The following IPO9 variants were observed in gnomAD, a reference collection of about 807,000 sequenced individuals.
IPO9 encodes importin-9.
IPO9 carries 28 observed loss-of-function variants against 128.6 expected under a neutral mutation model. The ratio of observed to expected loss-of-function variants is 0.22; its 90% CI spans 0.16 to 0.30. The LOEUF is 0.30. IPO9 is among the 10% of genes least tolerant of loss of function. The pLI, the probability that IPO9 is intolerant of heterozygous loss-of-function variation, is 1.00. For synonymous variants in IPO9, 455 were observed against 475.8 expected (o/e 0.96, Z 0.57); for missense variants, 935 against 1,293.9 (o/e 0.72, Z 4.26).
At chr1:201,868,074 T>C (rs1399493100) in intron 15 of IPO9, among the ~76,000 whole-genome samples, 7 of 152,314 alleles carry the variant, frequency 4.6e-5, no homozygotes, top group African/African-American at 7.2e-5. Context: ...TTTTCCATAC[T>C]AAATAGAGGA....
At chr1:201,843,216 GC>G (rs1163471459) in intron 1 of IPO9, among the ~76,000 whole-genome samples, 1 of 152,164 alleles carries the variant, frequency 6.6e-6, no homozygotes, top group Admixed American at 6.5e-5. Flanking sequence ...TTAACTGTTA[GC>G]CCCAATTTTG....
At chr1:201,845,030 G>A (rs1351348635) in intron 1 of IPO9, among the ~76,000 whole-genome samples, 6 of 151,202 alleles carry the variant, frequency 4.0e-5, no homozygotes, top group African/African-American at 1.2e-4. Flanking sequence ...TTGGGAGGGG[G>A]GGGCGTACAG....
At chr1:201,857,795 CAAAA>C (rs34460064) in intron 11 of IPO9, among the ~76,000 whole-genome samples, 1 of 124,388 alleles carries the variant, frequency 8.0e-6, no homozygotes, top group Non-Finnish European at 1.7e-5. Flanking sequence ...AACTTGGTCT[CAAAA>C]AAAAAAAAAA....
chr1:201,841,984 A>G (rs945682917), intron 1 of IPO9, among the ~76,000 whole-genome samples: 1 of 152,148 alleles, frequency 6.6e-6, no homozygotes, highest in Non-Finnish European at 1.5e-5. Flanking sequence ...ACCAGCAAAC[A>G]AGCAGTCAGT....
Position 201,847,360 on chromosome 1 carries a change from A to G in IPO9, c.225+20A>G, listed in dbSNP as rs192301953. On this transcript the variant is annotated intron_variant, in intron 2 of 23. Coordinates refer to ENST00000361565, the MANE Select transcript of IPO9 (RefSeq NM_018085.5). ...CGTCAGGTAAGTCCAGACTGGCCCA[A>G]TTTATAAATAGTTTCCCTTTCCTTG... 1.1e-3 allele frequency: 1,830 copies of G among 1,602,836 alleles called. 7 individuals are homozygous for G. The highest frequency in any genetic ancestry group is 1.5e-3 in the Non-Finnish European group (1,777 of 1,171,864).
chr1:201,850,159 C>T (rs928576065), intron 4 of IPO9, among the ~76,000 whole-genome samples: 1 of 152,186 alleles, frequency 6.6e-6, no homozygotes, highest in Non-Finnish European at 1.5e-5. Flanking sequence ...TTTCTGCCAG[C>T]CACAGGGAAA....
chr1:201,836,298 A>G (rs1437002222), intron 1 of IPO9, among the ~76,000 whole-genome samples: 1 of 152,214 alleles, frequency 6.6e-6, no homozygotes, highest in East Asian at 1.9e-4. Flanking sequence ...ACCAATGGAT[A>G]GGAGCAAATG....
Position 201,871,211 on chromosome 1 carries a change from C to T in IPO9, c.2460C>T (p.Leu820=), listed in dbSNP as rs142477784. The T allele has an allele frequency of 3.1e-6, 5 of 1,613,898 alleles. No homozygotes were observed. The African/African-American group carries it at 5.3e-5, about 17-fold the overall frequency. The change falls in exon 19 of 24, where the codon CTC becomes CTT. Residue 820 remains leucine (L), a synonymous_variant. Coordinates refer to ENST00000361565, the MANE Select transcript of IPO9 (RefSeq NM_018085.5). ...AHLVHTQLEP[L]LEFLCSLPGP... The stretch of plus-strand genomic sequence containing the variant: ...TGGTGCACACTCAGCTAGAACCTCT[C>T]TTGGAGTTCCTGTGTAGCCTCCCAG...
At chr1:201,835,112 C>T (rs1302469191) in intron 1 of IPO9, 1 of 152,262 alleles carries the variant, frequency 6.6e-6, no homozygotes, top group Non-Finnish European at 1.5e-5. Context: ...TTTTGTGGTG[C>T]TTACCAACTC....
intron 16 of IPO9, 114 bp from the exon 17 acceptor site, chr1:201,869,476 A>G: frequency 7.7e-7 from 1 of 1,301,302 alleles, no homozygotes. Flanking sequence ...CTTGCCTTTC[A>G]TTAATAAGCT....
At chr1:201,842,140 A>G (rs1303582762) in intron 1 of IPO9, among the ~76,000 whole-genome samples, 3 of 152,114 alleles carry the variant, frequency 2.0e-5, no homozygotes, top group African/African-American at 7.2e-5. Context: ...GGCCTCTGGA[A>G]CTTCTAACAG....
rs147609436 is a variant in IPO9, at chr1:201,868,758, C to G, written c.1966C>G (p.Gln656Glu). Residue 656 changes from glutamine to glutamate, a missense_variant, in exon 16 of 24, where the codon CAG (glutamine) becomes GAG (glutamate). This residue lies in a region of IPO9 where 741 missense variants were observed against 1,019.1 expected (regional missense o/e 0.73). Transcript: ENST00000361565. ...GATTCCCACTCTGGTCAGCATAATGCAGGCCCCAGCAGACAAGATTCCTGC... is the reference window on the plus strand; with the variant it reads ...GATTCCCACTCTGGTCAGCATAATGGAGGCCCCAGCAGACAAGATTCCTGC... ...RLIPTLVSIM[Q>E]APADKIPAGL... is the part of the protein sequence containing the mutation. 6.2e-7 allele frequency: 1 copy of G among 1,613,626 alleles called. No individual in the cohort carries two copies. Among genetic ancestry groups the G allele is most frequent in the Non-Finnish European group, 8.5e-7 (1 of 1,179,914 alleles).
intron 2 of IPO9, 99 bp downstream of exon 2, chr1:201,847,439 A>G: frequency 7.4e-7 from 1 of 1,359,472 alleles, no homozygotes; most frequent in South Asian, 1.2e-5. Flanking sequence ...TAAATAACCT[A>G]GGATGTTGTG....
chr1:201,851,085 A>G (rs1680206607), intron 4 of IPO9, among the ~76,000 whole-genome samples: 1 of 151,836 alleles, frequency 6.6e-6, no homozygotes, highest in South Asian at 2.1e-4. Flanking sequence ...GCACTGTTGT[A>G]GCTCACTGTA....
In IPO9 at chr1:201,866,756, CAG is replaced by C. The variant is rs750506942; in HGVS notation, c.1657_1658del (p.Ser553TyrfsTer13). On this transcript the variant is annotated frameshift_variant, in exon 15 of 24. Transcript: ENST00000361565. LOFTEE classifies it high-confidence loss of function. The stretch of plus-strand genomic sequence containing the variant: ...AGTTATTGTGACCAACTGAAAGTCT[CAG>C]AGAGTACCCACGTGCTCCAGCCCTT... 1 of 1,613,980 alleles carries C rather than the reference CAG, an allele frequency of 6.2e-7. No individual in the cohort carries two copies.
intron 20 of IPO9, 127 bp from the exon 21 acceptor site, chr1:201,874,123 A>G (rs1680714312): frequency 2.2e-6 from 2 of 894,990 alleles, no homozygotes; most frequent in African/African-American, 1.7e-5. Flanking sequence ...GAGACTGGAT[A>G]TAGTCAGGTA....
intron 20 of IPO9, among the ~76,000 whole-genome samples, chr1:201,873,444 CAAAAA>C (rs571580169): frequency 8.6e-5 from 5 of 58,230 alleles, no homozygotes; most frequent in African/African-American, 3.0e-4. Flanking sequence ...GACTCCGTCT[CAAAAA>C]AAAAAAAAAA....
intron 4 of IPO9, 26 bp from the exon 5 acceptor site, chr1:201,852,078 T>TA: frequency 1.4e-6 from 2 of 1,425,856 alleles, no homozygotes; most frequent in Non-Finnish European, 2.0e-6. Flanking sequence ...ATTTTTTTTT[T>TA]AACAGTACTA....
intron 13 of IPO9, among the ~76,000 whole-genome samples, chr1:201,860,994 C>T (rs1680435054): frequency 6.6e-6 from 1 of 152,054 alleles, no homozygotes; most frequent in African/African-American, 2.4e-5. Context: ...GGCCTAACCC[C>T]ATCTCTACTA....
Sources: allele counts gnomAD v4.1 joint callset (sites outside exome capture counted in the v4.1 genomes callset), GRCh38; gene constraint gnomAD v4.1.1; regional missense constraint gnomAD v4.1.1; transcripts MANE v1.5; gene names NCBI Gene and HGNC (gene_info 2026-07-23, HGNC 2026-07-21).